Variants in ROBO2 observed in about 807,000 individuals in gnomAD.
ROBO2 encodes roundabout homolog 2.
Under a neutral mutation model 160.8 loss-of-function variants are expected in ROBO2, and 53 were observed. The observed-to-expected ratio is 0.33, with a 90% CI of 0.26 to 0.41. The LOEUF (loss-of-function observed/expected upper bound fraction) is 0.41, where lower values mean the gene tolerates loss of function less well. Ranked by LOEUF, ROBO2 falls within the 10% of genes least tolerant of loss-of-function variation. The pLI is 1.00. For synonymous variants in ROBO2, 664 were observed against 611.7 expected (o/e 1.09, Z -1.26); for missense variants, 1,577 against 1,722.4 (o/e 0.92, Z 1.49).
chr3:76,674,582 T>G (rs1440167582), intron 2 of ROBO2, among the ~76,000 whole-genome samples: 1 of 137,882 alleles, frequency 7.3e-6, no homozygotes, highest in Non-Finnish European at 1.5e-5. Flanking sequence ...TTTCTAACCC[T>G]AGCCCACCTC....
chr3:76,726,101 T>C (rs1263780768), intron 2 of ROBO2, among the ~76,000 whole-genome samples: 1 of 152,190 alleles, frequency 6.6e-6, no homozygotes, highest in Admixed American at 6.5e-5. Context: ...TCTTAGTTAA[T>C]TAAAGTAAAT....
At chr3:76,630,278 C>G (rs1215530297) in intron 2 of ROBO2, among the ~76,000 whole-genome samples, 1 of 152,084 alleles carries the variant, frequency 6.6e-6, no homozygotes, top group African/African-American at 2.4e-5. Flanking sequence ...GCGTGCCCTG[C>G]AGTGGGGTGG....
At chr3:77,133,739 T>C (rs1362275233) in intron 2 of ROBO2, among the ~76,000 whole-genome samples, 1 of 152,210 alleles carries the variant, frequency 6.6e-6, no homozygotes, top group Non-Finnish European at 1.5e-5. Context: ...ATAGGGATAA[T>C]TTCTAAAATA....
In ROBO2 at chr3:76,443,797, G is replaced by A. The variant is rs936083678; in HGVS notation, c.109+506195G>A. ...TAGCTTATGAATCTTTAATTTAAAC[G>A]AATTCTCCAGATATTTCTTGTTGAG... On this transcript the variant is annotated intron_variant, in intron 2 of 26. Transcript: ENST00000487694. 6.6e-5 allele frequency among the ~76,000 whole-genome samples: 10 copies of A among 152,116 alleles called. No homozygotes were observed. The South Asian group carries it at 1.2e-3, about 19-fold the overall frequency.
chr3:76,369,903 G>C (rs899734170), intron 2 of ROBO2, among the ~76,000 whole-genome samples: 3 of 152,050 alleles, frequency 2.0e-5, no homozygotes, highest in Admixed American at 6.6e-5. Flanking sequence ...TCACATACCA[G>C]AAAGAACTCT....
intron 2 of ROBO2, among the ~76,000 whole-genome samples, chr3:76,192,110 C>T (rs1013191225): frequency 2.1e-4 from 32 of 151,962 alleles, no homozygotes; most frequent in African/African-American, 7.3e-4. Context: ...ACCTGACCTT[C>T]GATTGGCTTA....
At chr3:76,785,564 TA>T (rs924703415) in intron 2 of ROBO2, among the ~76,000 whole-genome samples, 1 of 151,250 alleles carries the variant, frequency 6.6e-6, no homozygotes, top group African/African-American at 2.4e-5. Context: ...TTTTCTTTTT[TA>T]AAAAAATTAA....
At chr3:77,350,679 A>T (rs1219161086) in intron 2 of ROBO2, among the ~76,000 whole-genome samples, 1 of 152,142 alleles carries the variant, frequency 6.6e-6, no homozygotes, top group East Asian at 1.9e-4. Context: ...CTGGGTTTTC[A>T]TAGAAGGAAG....
intron 2 of ROBO2, among the ~76,000 whole-genome samples, chr3:77,438,278 A>G (rs937193296): frequency 6.6e-6 from 1 of 151,916 alleles, no homozygotes; most frequent in Non-Finnish European, 1.5e-5. Context: ...TCTGAGAGGG[A>G]TGAGCAAATG....
chr3:76,525,829 T>C (rs974613424), intron 2 of ROBO2, among the ~76,000 whole-genome samples: 13 of 152,076 alleles, frequency 8.5e-5, no homozygotes, highest in Admixed American at 3.3e-4. Flanking sequence ...AAAGTTGCCA[T>C]TAAAGGGCAA....
intron 2 of ROBO2, among the ~76,000 whole-genome samples, chr3:77,413,074 G>A (rs541757398): frequency 3.3e-5 from 5 of 152,124 alleles, no homozygotes; most frequent in African/African-American, 1.2e-4. Context: ...AAAATATCTA[G>A]TGAGTACAGG....
chr3:77,234,528 TTGAAA>T (rs1189637779), intron 2 of ROBO2, among the ~76,000 whole-genome samples: 1 of 151,748 alleles, frequency 6.6e-6, no homozygotes, highest in Non-Finnish European at 1.5e-5. Context: ...TCAGCAATCC[TTGAAA>T]TGAAAGATGC....
intron 2 of ROBO2, among the ~76,000 whole-genome samples, chr3:76,453,172 TAGTTTAATTAGATCCC>T (rs1194857274): frequency 6.6e-6 from 1 of 152,220 alleles, no homozygotes; most frequent in Non-Finnish European, 1.5e-5. Flanking sequence ...AGAAGCTCTC[TAGTTTAATTAGATCCC>T]ATTTGTCAAT....
At chr3:77,281,532 C>T (rs2060240258) in intron 2 of ROBO2, among the ~76,000 whole-genome samples, 2 of 151,642 alleles carry the variant, frequency 1.3e-5, no homozygotes, top group South Asian at 4.2e-4. Flanking sequence ...CAGAAATAGT[C>T]TTAGAAATGC....
chr3:76,557,886 TAAA>T (rs3067742), intron 2 of ROBO2, among the ~76,000 whole-genome samples: 375 of 147,594 alleles, frequency 2.5e-3, no homozygotes, highest in African/African-American at 7.3e-3. Flanking sequence ...TGGAATTACT[TAAA>T]AAAAAAAAAA....
At chr3:76,513,216 A>AG (rs2081189187) in intron 2 of ROBO2, among the ~76,000 whole-genome samples, 1 of 152,184 alleles carries the variant, frequency 6.6e-6, no homozygotes, top group Admixed American at 6.5e-5. Flanking sequence ...CATGGTGATG[A>AG]GGCAGGCCAC....
At position 76,485,207 on chromosome 3, in the gene ROBO2, C is replaced by T. The variant is rs113721080; in HGVS notation, c.109+547605C>T. On this transcript the variant is annotated intron_variant, in intron 2 of 26. Transcript: ENST00000487694. The stretch of plus-strand genomic sequence containing the variant: ...CTCATAATGTACAATCAGTCGGAGC[C>T]CTGAGCTTGTTTTCCTGCAACTAGA... Among the ~76,000 whole-genome samples, 839 of 151,884 alleles carry T rather than the reference C, an allele frequency of 5.5e-3. 9 individuals are homozygous for T. Among genetic ancestry groups the T allele is most frequent in the African/African-American group, 0.019 (790 of 41,410 alleles).
chr3:75,965,708 A>G (rs1195590009), intron 2 of ROBO2, among the ~76,000 whole-genome samples: 1 of 150,284 alleles, frequency 6.7e-6, no homozygotes. Flanking sequence ...CAACATGAAA[A>G]TATCTTCGAA....
chr3:76,938,363 C>CA (rs753611721), intron 2 of ROBO2, among the ~76,000 whole-genome samples: 46 of 149,758 alleles, frequency 3.1e-4, no homozygotes, highest in Non-Finnish European at 6.1e-4. Flanking sequence ...CCACCTACCC[C>CA]CCCCAAAAAA....
Sources: gnomAD v4.1 joint callset for allele counts (sites outside exome capture counted in the v4.1 genomes callset) on GRCh38, gnomAD v4.1.1 for gene constraint, MANE v1.5 for transcripts, NCBI Gene and HGNC (gene_info 2026-07-23, HGNC 2026-07-21) for gene names.